CCDC73: variants seen among roughly 807,000 people sequenced by gnomAD.
CCDC73 encodes the protein coiled-coil domain containing 73, also known as coiled-coil domain-containing protein 73.
CCDC73 carries 95 observed loss-of-function variants against 116.5 expected under a neutral mutation model. The observed-to-expected ratio is 0.82, with a 90% CI of 0.69 to 0.97. The LOEUF (loss-of-function observed/expected upper bound fraction) is 0.97. CCDC73 is among the 50% of genes least tolerant of loss of function. The pLI is 0.00. For missense variants in CCDC73, 1,066 were observed against 1,206.8 expected (o/e 0.88, Z 1.73); for synonymous variants, 398 against 401.3 (o/e 0.99, Z 0.10).
chr11:32,666,126 C>G (rs960116101), intron 9 of CCDC73, among the ~76,000 whole-genome samples: 30 of 152,254 alleles, frequency 2.0e-4, no homozygotes, highest in African/African-American at 7.0e-4. Flanking sequence ...GTGAATCTGA[C>G]AATTATGTTT....
At chr11:32,685,034 T>A (rs1316621311) in intron 6 of CCDC73, among the ~76,000 whole-genome samples, 2 of 152,158 alleles carry the variant, frequency 1.3e-5, no homozygotes, top group African/African-American at 4.8e-5. Context: ...CAGCCATGTA[T>A]GAGTGTTCAT....
intron 12 of CCDC73, among the ~76,000 whole-genome samples, chr11:32,650,363 TA>T (rs1388378447): frequency 6.6e-6 from 1 of 152,190 alleles, no homozygotes; most frequent in Non-Finnish European, 1.5e-5. Context: ...CTCTTTTCAT[TA>T]AATGAAATGG....
chr11:32,606,109 T>G (rs1855348237), intron 17 of CCDC73: 1 of 152,190 alleles, frequency 6.6e-6, no homozygotes, highest in Non-Finnish European at 1.5e-5. Context: ...AATCTAATGC[T>G]GAAAACAAGA....
At chr11:32,721,594 C>T (rs1202207749) in intron 2 of CCDC73, among the ~76,000 whole-genome samples, 3 of 150,422 alleles carry the variant, frequency 2.0e-5, no homozygotes, top group Non-Finnish European at 4.4e-5. Flanking sequence ...TTCTATGACT[C>T]ACTTTTTTTT....
upstream of CCDC73, among the ~76,000 whole-genome samples, chr11:32,797,508 T>C (rs780445306): frequency 6.6e-5 from 10 of 152,184 alleles, no homozygotes; most frequent in Non-Finnish European, 4.4e-5. Flanking sequence ...GGTCCCCTCT[T>C]TGAAATTTCA....
chr11:32,623,143 G>A (rs1178943300), intron 14 of CCDC73, among the ~76,000 whole-genome samples: 2 of 151,970 alleles, frequency 1.3e-5, no homozygotes, highest in East Asian at 1.9e-4. Flanking sequence ...TGAGTAGCTG[G>A]GATTACAGGC....
intron 1 of CCDC73, among the ~76,000 whole-genome samples, chr11:32,791,987 CACAT>C (rs1475114233): frequency 3.0e-5 from 3 of 98,810 alleles, no homozygotes; most frequent in Non-Finnish European, 4.4e-5. Flanking sequence ...CACACACACA[CACAT>C]ACACACACAC....
At position 32,737,961 on chromosome 11, in the gene CCDC73, C is replaced by T. The variant is rs571712475; in HGVS notation, c.136-19814G>A. 2.1e-4 allele frequency among the ~76,000 whole-genome samples: 32 copies of T among 152,216 alleles called. 1 individual carries two copies. The South Asian group carries it at 6.4e-3, about 31-fold the overall frequency. ...GACATGCAAAGTTTATCTTTCTGTG[C>T]CTGGCTTATTTCACTTAACATAATG... On this transcript the variant is annotated intron_variant, in intron 2 of 17. Coordinates refer to ENST00000335185, the MANE Select transcript of CCDC73 (RefSeq NM_001008391.4).
In CCDC73 at chr11:32,615,973, CTTT is replaced by C. The variant is rs747079826; in HGVS notation, c.1339_1341del (p.Lys447del). 1 of 1,582,238 alleles carries C rather than the reference CTTT, an allele frequency of 6.3e-7. No individual in the cohort carries two copies. The highest frequency in any genetic ancestry group is 8.6e-7 in the Non-Finnish European group (1 of 1,160,530). ...ATTATTTCCTCTATAAATGAGCCTT[CTTT>C]TTTTTCTTCTTTTTCTCTGTATTCA... On this transcript the variant is annotated inframe_deletion, in exon 15 of 18. Coordinates refer to ENST00000335185, the MANE Select transcript of CCDC73 (RefSeq NM_001008391.4).
At chr11:32,730,218 C>A (rs535450510) in intron 2 of CCDC73, among the ~76,000 whole-genome samples, 183 of 152,242 alleles carry the variant, frequency 1.2e-3, no homozygotes, top group African/African-American at 4.3e-3. Flanking sequence ...TTACATCATC[C>A]CCTAAATTTC....
intron 9 of CCDC73, among the ~76,000 whole-genome samples, chr11:32,659,219 A>AT (rs887137659): frequency 2.0e-5 from 3 of 151,150 alleles, no homozygotes; most frequent in Admixed American, 6.6e-5. Context: ...AGTTGCATGA[A>AT]TTTTTTTTTT....
At chr11:32,827,711 C>A in the CCDC73 span, among the ~76,000 whole-genome samples, 2 of 152,106 alleles carry the variant, frequency 1.3e-5, no homozygotes, top group Admixed American at 6.5e-5. Context: ...TGGGTACTGT[C>A]GAGAATGCAA....
chr11:32,776,936 A>AAAATATAT (rs1341535562), intron 1 of CCDC73, among the ~76,000 whole-genome samples: 2 of 36,464 alleles, frequency 5.5e-5, no homozygotes, highest in African/African-American at 1.7e-4. Context: ...AAAAAAAAAA[A>AAAATATAT]ATATATATAT....
At chr11:32,645,710 T>G (rs1198191049) in intron 12 of CCDC73, among the ~76,000 whole-genome samples, 1 of 152,204 alleles carries the variant, frequency 6.6e-6, no homozygotes, top group Non-Finnish European at 1.5e-5. Context: ...TATAATTGTA[T>G]GTACTACACT....
At chr11:32,780,553 T>C (rs1309235206) in intron 1 of CCDC73, among the ~76,000 whole-genome samples, 1 of 152,052 alleles carries the variant, frequency 6.6e-6, no homozygotes, top group Non-Finnish European at 1.5e-5. Flanking sequence ...TTAACGGATG[T>C]TTACAACAAA....
At chr11:32,751,570 T>G (rs973884528) in intron 2 of CCDC73, among the ~76,000 whole-genome samples, 5 of 152,198 alleles carry the variant, frequency 3.3e-5, no homozygotes, top group African/African-American at 1.2e-4. Context: ...TTCCGCCTGG[T>G]GTTGGCAGCA....
At chr11:32,645,473 T>A (rs1032110315) in intron 12 of CCDC73, among the ~76,000 whole-genome samples, 1 of 151,984 alleles carries the variant, frequency 6.6e-6, no homozygotes, top group Non-Finnish European at 1.5e-5. Context: ...GTATTTTTAG[T>A]AGAGACGGGG....
intron 2 of CCDC73, among the ~76,000 whole-genome samples, chr11:32,757,944 C>T (rs777311788): frequency 6.6e-6 from 1 of 152,142 alleles, no homozygotes; most frequent in Non-Finnish European, 1.5e-5. Flanking sequence ...AGGACATGGA[C>T]ATGCTTGGGT....
intron 1 of CCDC73, among the ~76,000 whole-genome samples, chr11:32,783,828 G>C (rs1174114983): frequency 6.6e-6 from 1 of 152,138 alleles, no homozygotes; most frequent in Non-Finnish European, 1.5e-5. Flanking sequence ...AGAAAGAGAG[G>C]AAAGGAACCC....
Sources: allele counts gnomAD v4.1 joint callset (sites outside exome capture counted in the v4.1 genomes callset), GRCh38; gene constraint gnomAD v4.1.1; transcripts MANE v1.5; gene names NCBI Gene and HGNC (gene_info 2026-07-23, HGNC 2026-07-21).